The following RASA4B variants were observed in gnomAD, a reference collection of about 807,000 sequenced individuals.
The protein encoded by RASA4B is ras GTPase-activating protein 4B.
Under a neutral mutation model 24.2 loss-of-function variants are expected in RASA4B, and 2 were observed. That is an observed-to-expected ratio of 0.08 (90% CI 0.03 to 0.26). The LOEUF (loss-of-function observed/expected upper bound fraction) is 0.26, where lower values mean the gene tolerates loss of function less well. RASA4B is among the 10% of genes least tolerant of loss of function. RASA4B has a pLI of 1.00. For missense variants in RASA4B, 8 were observed against 277.2 expected, an observed-to-expected ratio of 0.03 and a Z score of 6.90; for synonymous variants, 2 against 125.6, an observed-to-expected ratio of 0.02 and a Z score of 6.58.
chr7:102,500,558 A>G, intron 8 of RASA4B, 141 bp downstream of exon 8: 3 of 206,984 alleles, frequency 1.4e-5, no homozygotes, highest in Non-Finnish European at 1.8e-5. Flanking sequence ...CTAGGTGGGC[A>G]GGGGCTGAGG....
Position 102,480,237 on chromosome 7 carries a change from C to T in RASA4B, c.*3355G>A, listed in dbSNP as rs1038953412. On this transcript the variant is annotated 3_prime_UTR_variant, in exon 21 of 21. Coordinates refer to ENST00000465829, the MANE Select transcript of RASA4B (RefSeq NM_001367767.2). ...AGCGTTAGTGTCAAGGAAAAACACC[C>T]GCTACTTAGCAGACCAGGAAAGGGA... Among the ~76,000 whole-genome samples, 2 of 152,150 alleles carry T rather than the reference C, an allele frequency of 1.3e-5. No homozygotes were observed.
intron 1 of RASA4B, among the ~76,000 whole-genome samples, chr7:102,513,171 C>T: frequency 7.2e-6 from 1 of 139,222 alleles, no homozygotes; most frequent in Non-Finnish European, 1.6e-5. Flanking sequence ...TCAGCCCTGC[C>T]AGAGCCCTCC....
chr7:102,496,096 T>G (rs746317), intron 11 of RASA4B, 44 bp downstream of exon 11: 186,203 of 1,443,364 alleles, frequency 0.13, 79 homozygotes, highest in East Asian at 0.28. Context: ...TGAAGCTCAG[T>G]GTTGTCGTTT....
Position 102,496,855 on chromosome 7 carries a change from C to CTCGTGGCA in RASA4B, c.846_847insTGCCACGA (p.Gly283CysfsTer11). ...TGCCCAGGCCCCCTCACCTGCATGC[C>CTCGTGGCA]CAGCTTGACCTCGTGGCACAGCAGG... On this transcript the variant is annotated frameshift_variant, in exon 9 of 21. Coordinates refer to ENST00000465829, the MANE Select transcript of RASA4B (RefSeq NM_001367767.2). LOFTEE classifies it high-confidence loss of function. 7.5e-7 allele frequency: 1 copy of CTCGTGGCA among 1,328,098 alleles called. No individual in the cohort carries two copies. The highest frequency in any genetic ancestry group is 1.1e-6 in the Non-Finnish European group (1 of 950,876). 82.3% of individuals were successfully genotyped at this position (1,328,098 alleles called of 1,614,324 possible). A position where few individuals can be genotyped will look rare whatever the true frequency, so the allele number is the denominator to read the frequency against.
chr7:102,498,152 G>A (rs1378478823), intron 8 of RASA4B, among the ~76,000 whole-genome samples: 1 of 133,308 alleles, frequency 7.5e-6, no homozygotes, highest in Non-Finnish European at 1.7e-5. Context: ...TCCTGCCTTG[G>A]CCTCCCAAAG....
At chr7:102,495,250 C>CA (rs1425075842) in intron 12 of RASA4B, 28 bp downstream of exon 12, 2 of 5,506 alleles carry the variant, frequency 3.6e-4, no homozygotes, top group Admixed American at 2.4e-3. Context: ...CTGCACCCCG[C>CA]AACCCCCGGA....
chr7:102,480,101 G>T lies in RASA4B; in HGVS notation c.*3491C>A, dbSNP rs373764675. Among the ~76,000 whole-genome samples the T allele has an allele frequency of 6.6e-6, 1 of 152,044 alleles. No homozygotes were observed. The highest frequency in any genetic ancestry group is 1.5e-5 in the Non-Finnish European group (1 of 68,008). ...AATGAGGAGTGACCAGAAGACAAGA[G>T]TGCGAGCTTTCTGTTATGCCCGGAC... On this transcript the variant is annotated 3_prime_UTR_variant, in exon 21 of 21. Transcript: ENST00000465829.
At chr7:102,500,398 G>A (rs1799322276) in intron 8 of RASA4B, among the ~76,000 whole-genome samples, 1 of 128,514 alleles carries the variant, frequency 7.8e-6, no homozygotes, top group Non-Finnish European at 1.7e-5. Context: ...CGTGAACCCG[G>A]GAGGCGGAGC....
intron 4 of RASA4B, among the ~76,000 whole-genome samples, chr7:102,508,780 T>TTTTTTA (rs1472805719): frequency 1.4e-5 from 2 of 148,106 alleles, no homozygotes; most frequent in African/African-American, 2.5e-5. Context: ...CTCTATTTTA[T>TTTTTTA]TTTTTATTTT....
chr7:102,498,643 G>C (rs1586773715), intron 8 of RASA4B, among the ~76,000 whole-genome samples: 3 of 125,724 alleles, frequency 2.4e-5, no homozygotes, highest in East Asian at 2.3e-4. Flanking sequence ...TCCGTCTCCT[G>C]GGTTCCAGCA....
intron 5 of RASA4B, among the ~76,000 whole-genome samples, chr7:102,504,644 T>C (rs1228735872): frequency 9.6e-6 from 1 of 103,894 alleles, no homozygotes; most frequent in Non-Finnish European, 1.8e-5. Flanking sequence ...AAAACGCCAC[T>C]GCACTCCAGC....
chr7:102,480,122 C>T lies in RASA4B; in HGVS notation c.*3470G>A, dbSNP rs970247935. On this transcript the variant is annotated 3_prime_UTR_variant, in exon 21 of 21. Transcript: ENST00000465829. ...AAGAGTGCGAGCTTTCTGTTATGCC[C>T]GGACAGGGCCACCAGAGGGCTCCTT... is the stretch of plus-strand genomic sequence containing the variant. Among the ~76,000 whole-genome samples, 2 of 152,040 alleles carry T rather than the reference C, an allele frequency of 1.3e-5. No individual in the cohort carries two copies. Among genetic ancestry groups the T allele is most frequent in the East Asian group, 1.9e-4 (1 of 5,198 alleles).
At chr7:102,494,036 A>ACCCCCCCC in intron 14 of RASA4B, 67 bp from the exon 15 acceptor site, 1 of 104,066 alleles carries the variant, frequency 9.6e-6, no homozygotes, top group Non-Finnish European at 2.0e-5. Context: ...ACCCCCTCCC[A>ACCCCCCCC]CCCCCCCTCC....
At chr7:102,509,073 CT>C (rs1799624483) in intron 4 of RASA4B, among the ~76,000 whole-genome samples, 1 of 100,972 alleles carries the variant, frequency 9.9e-6, no homozygotes, top group African/African-American at 3.1e-5. Context: ...TCCCAAAGTG[CT>C]GGGATTACAG....
At chr7:102,500,438 C>G (rs1799324254) in intron 8 of RASA4B, among the ~76,000 whole-genome samples, 1 of 139,534 alleles carries the variant, frequency 7.2e-6, no homozygotes, top group African/African-American at 2.6e-5. Context: ...CGCCATTGCA[C>G]TCCAGCCTGG....
chr7:102,480,214 C>T lies in RASA4B; in HGVS notation c.*3378G>A, dbSNP rs890117992. Among the ~76,000 whole-genome samples the T allele has an allele frequency of 2.6e-5, 4 of 152,066 alleles. No homozygotes were observed. The highest frequency in any genetic ancestry group is 6.6e-5 in the Admixed American group (1 of 15,232). On this transcript the variant is annotated 3_prime_UTR_variant, in exon 21 of 21. Coordinates refer to ENST00000465829, the MANE Select transcript of RASA4B (RefSeq NM_001367767.2). ...CAAGCCCACCGTGGTCTAGCTGTAGCGTTAGTGTCAAGGAAAAACACCCGC... is the reference window on the plus strand; with the variant it reads ...CAAGCCCACCGTGGTCTAGCTGTAGTGTTAGTGTCAAGGAAAAACACCCGC...
intron 1 of RASA4B, among the ~76,000 whole-genome samples, chr7:102,512,396 A>G: frequency 1.9e-4 from 1 of 5,160 alleles, no homozygotes; most frequent in African/African-American, 8.5e-4. Context: ...GAGGGGAGAG[A>G]GAGGGAAGAG....
chr7:102,514,548 GA>G (rs1329817281), intron 1 of RASA4B, among the ~76,000 whole-genome samples: 2 of 49,820 alleles, frequency 4.0e-5, no homozygotes, highest in Non-Finnish European at 8.7e-5. Context: ...ACGGTATTGA[GA>G]GCAGGCCGAG....
At chr7:102,510,501 ATTTAT>A (rs1368590109) in intron 2 of RASA4B, among the ~76,000 whole-genome samples, 2 of 129,088 alleles carry the variant, frequency 1.5e-5, no homozygotes, top group East Asian at 2.2e-4. Flanking sequence ...TCTGGCTGTT[ATTTAT>A]TTTATTTTAT....
Sources: gnomAD v4.1 joint callset for allele counts (sites outside exome capture counted in the v4.1 genomes callset) on GRCh38, gnomAD v4.1.1 for gene constraint, MANE v1.5 for transcripts, NCBI Gene and HGNC (gene_info 2026-07-23, HGNC 2026-07-21) for gene names.